CNTNAP2: variants seen among roughly 807,000 people sequenced by gnomAD.
The protein encoded by CNTNAP2 is contactin-associated protein-like 2.
In CNTNAP2, 98 loss-of-function variants were observed where a neutral mutation model predicts 155.2. That is an observed-to-expected ratio of 0.63 (90% CI 0.54 to 0.75). The LOEUF (loss-of-function observed/expected upper bound fraction) is 0.75. Among genes scored for constraint, CNTNAP2 ranks in the 30% least tolerant of loss-of-function variants. CNTNAP2 has a pLI of 0.00. For missense variants in CNTNAP2, 1,727 were observed against 1,688.1 expected, an observed-to-expected ratio of 1.02 and a Z score of -0.40; for synonymous variants, 651 against 631.2, an observed-to-expected ratio of 1.03 and a Z score of -0.47.
intron 1 of CNTNAP2, among the ~76,000 whole-genome samples, chr7:146,701,164 T>C (rs1216483703): frequency 1.3e-5 from 2 of 152,182 alleles, no homozygotes; most frequent in Non-Finnish European, 2.9e-5. Context: ...AAAGATATTT[T>C]TCAGTTAAAC....
intron 13 of CNTNAP2, among the ~76,000 whole-genome samples, chr7:147,726,833 T>C (rs1796652030): frequency 6.6e-6 from 1 of 152,026 alleles, no homozygotes; most frequent in Non-Finnish European, 1.5e-5. Context: ...TGAAAATCGG[T>C]CAGACTTGCT....
intron 3 of CNTNAP2, among the ~76,000 whole-genome samples, chr7:146,864,819 A>G (rs899639349): frequency 8.5e-5 from 6 of 70,652 alleles, no homozygotes; most frequent in Non-Finnish European, 1.6e-4. Flanking sequence ...CTACCAAACA[A>G]AGCAAAACAA....
intron 1 of CNTNAP2, among the ~76,000 whole-genome samples, chr7:146,153,556 A>G (rs911731606): frequency 6.6e-6 from 1 of 152,162 alleles, no homozygotes; most frequent in Non-Finnish European, 1.5e-5. Context: ...AGCCCCAAAC[A>G]TCTGAGACTA....
intron 1 of CNTNAP2, among the ~76,000 whole-genome samples, chr7:146,533,783 A>G (rs574097976): frequency 6.6e-6 from 1 of 151,986 alleles, no homozygotes; most frequent in Non-Finnish European, 1.5e-5. Flanking sequence ...TCTTGGCTTT[A>G]TGTTGGGCAA....
At chr7:147,951,988 A>G (rs962768738) in intron 14 of CNTNAP2, among the ~76,000 whole-genome samples, 4 of 151,948 alleles carry the variant, frequency 2.6e-5, no homozygotes, top group Non-Finnish European at 5.9e-5. Flanking sequence ...ATGAGAACTC[A>G]TAGTGGCATG....
intron 13 of CNTNAP2, among the ~76,000 whole-genome samples, chr7:147,832,953 G>A (rs1259793368): frequency 6.7e-6 from 1 of 150,248 alleles, no homozygotes; most frequent in African/African-American, 2.4e-5. Flanking sequence ...CTACATGAAA[G>A]GAAGTTTCAG....
intron 1 of CNTNAP2, among the ~76,000 whole-genome samples, chr7:146,720,215 T>C (rs148333850): frequency 1.4e-4 from 22 of 152,194 alleles, no homozygotes; most frequent in African/African-American, 4.8e-4. Flanking sequence ...CAATTTCTGG[T>C]TTTAGTAGTT....
At chr7:146,580,804 G>A (rs574010922) in intron 1 of CNTNAP2, among the ~76,000 whole-genome samples, 2 of 152,078 alleles carry the variant, frequency 1.3e-5, no homozygotes, top group South Asian at 4.1e-4. Flanking sequence ...TTTCATCAAA[G>A]CTTTATCCCC....
chr7:146,416,891 A>T (rs2129112453), intron 1 of CNTNAP2, among the ~76,000 whole-genome samples: 1 of 152,266 alleles, frequency 6.6e-6, no homozygotes, highest in Admixed American at 6.5e-5. Flanking sequence ...TATGCACTAA[A>T]AATACAATAC....
intron 9 of CNTNAP2, among the ~76,000 whole-genome samples, chr7:147,329,423 A>C (rs1325194920): frequency 4.6e-5 from 7 of 152,104 alleles, no homozygotes; most frequent in Non-Finnish European, 8.8e-5. Flanking sequence ...TAAGAATGAT[A>C]AAAGATCCAG....
intron 1 of CNTNAP2, among the ~76,000 whole-genome samples, chr7:146,649,890 C>T (rs1799878055): frequency 6.6e-6 from 1 of 151,972 alleles, no homozygotes; most frequent in African/African-American, 2.4e-5. Context: ...GACGTTTATG[C>T]GGCCAATAAA....
At chr7:146,984,350 A>G (rs911588819) in intron 3 of CNTNAP2, among the ~76,000 whole-genome samples, 8 of 147,554 alleles carry the variant, frequency 5.4e-5, no homozygotes, top group Admixed American at 4.1e-4. Flanking sequence ...CTGGGCAACA[A>G]GAGCAAAACC....
intron 8 of CNTNAP2, among the ~76,000 whole-genome samples, chr7:147,294,428 C>T (rs1294560738): frequency 6.6e-6 from 1 of 152,136 alleles, no homozygotes; most frequent in Non-Finnish European, 1.5e-5. Flanking sequence ...ATCATCTTCA[C>T]CTTTGTCTTA....
chr7:148,116,124 G>A (rs985720945), intron 15 of CNTNAP2, among the ~76,000 whole-genome samples: 12 of 150,440 alleles, frequency 8.0e-5, no homozygotes, highest in African/African-American at 2.9e-4. Context: ...GGGCCACAGA[G>A]CGAGACTCTG....
chr7:147,361,659 G>C (rs1006483816), intron 9 of CNTNAP2, among the ~76,000 whole-genome samples: 4 of 152,012 alleles, frequency 2.6e-5, no homozygotes, highest in Non-Finnish European at 5.9e-5. Context: ...TATTGAGTAA[G>C]ATAAACTTGA....
At chr7:146,886,043 G>A (rs978963544) in intron 3 of CNTNAP2, among the ~76,000 whole-genome samples, 1 of 148,950 alleles carries the variant, frequency 6.7e-6, no homozygotes. Context: ...ACTCTAAAAC[G>A]ATTCCTTGTA....
chr7:147,652,687 ATATATT>A (rs919641163), intron 13 of CNTNAP2, among the ~76,000 whole-genome samples: 57 of 152,174 alleles, frequency 3.7e-4, no homozygotes, highest in African/African-American at 1.4e-3. Flanking sequence ...TCTAGACTCT[ATATATT>A]TTCTACCTCA....
Position 148,181,117 on chromosome 7 carries a change from C to T in CNTNAP2, c.3010+8639C>T, listed in dbSNP as rs529749158. On this transcript the variant is annotated intron_variant, in intron 18 of 23. Transcript: ENST00000361727. ...CTTGGGCTAAGAGTTACACCATTGGCTTCTTTTGTTCTGAGGCCTTTGGAC... is the reference window on the plus strand; with the variant it reads ...CTTGGGCTAAGAGTTACACCATTGGTTTCTTTTGTTCTGAGGCCTTTGGAC... Among the ~76,000 whole-genome samples the T allele has an allele frequency of 7.9e-5, 12 of 152,312 alleles. No individual in the cohort carries two copies. The East Asian group carries it at 2.3e-3, about 30-fold the overall frequency.
At chr7:147,499,318 G>T (rs781658924) in intron 11 of CNTNAP2, among the ~76,000 whole-genome samples, 8 of 152,046 alleles carry the variant, frequency 5.3e-5, no homozygotes, top group Non-Finnish European at 1.2e-4. Context: ...CATGAGGTCA[G>T]GAGATCAAGA....
Sources: allele counts gnomAD v4.1 joint callset (sites outside exome capture counted in the v4.1 genomes callset), GRCh38; gene constraint gnomAD v4.1.1; transcripts MANE v1.5; gene names NCBI Gene and HGNC (gene_info 2026-07-23, HGNC 2026-07-21).